The following DMRT1 variants were observed in gnomAD, a reference collection of about 807,000 sequenced individuals.
DMRT1 encodes the protein doublesex and mab-3 related transcription factor 1, also known as doublesex- and mab-3-related transcription factor 1.
DMRT1 carries 7 observed loss-of-function variants against 32.3 expected under a neutral mutation model. The ratio of observed to expected loss-of-function variants is 0.22; its 90% CI spans 0.12 to 0.41. DMRT1 has a LOEUF of 0.41. Ranked by LOEUF, DMRT1 falls within the 10% of genes least tolerant of loss-of-function variation. DMRT1 has a pLI of 1.00. For missense variants in DMRT1, 625 were observed against 500.5 expected (o/e 1.25, Z -2.37); for synonymous variants, 278 against 206.1 (o/e 1.35, Z -2.99).
At chr9:881,317 C>G (rs748852741) in intron 2 of DMRT1, among the ~76,000 whole-genome samples, 1 of 152,094 alleles carries the variant, frequency 6.6e-6, no homozygotes, top group African/African-American at 2.4e-5. Flanking sequence ...TTGAGTTGAA[C>G]GGAAGCTATG....
At chr9:865,183 G>A (rs538525758) in intron 2 of DMRT1, among the ~76,000 whole-genome samples, 7 of 152,228 alleles carry the variant, frequency 4.6e-5, no homozygotes, top group South Asian at 2.1e-4. Flanking sequence ...CAAAGTTCTC[G>A]AATATTGAAG....
intron 3 of DMRT1, among the ~76,000 whole-genome samples, chr9:912,922 G>A (rs1204367952): frequency 1.3e-5 from 2 of 152,180 alleles, no homozygotes; most frequent in Admixed American, 1.3e-4. Context: ...TGAGAGTGAA[G>A]TTTGAGAAGG....
In DMRT1 at chr9:968,161, G is replaced by T; in HGVS notation, c.*22G>T. The T allele has an allele frequency of 3.1e-6, 5 of 1,613,370 alleles. No individual in the cohort carries two copies. The highest frequency in any genetic ancestry group is 4.2e-6 in the Non-Finnish European group (5 of 1,179,910). ...GTGAGCAGTGCCTGCTGCCGATGGC[G>T]GTTCACTTGGAGTAACAGGCTTATT... On this transcript the variant is annotated 3_prime_UTR_variant, in exon 5 of 5. Transcript: ENST00000382276.
chr9:940,167 C>T (rs573668385), intron 4 of DMRT1, among the ~76,000 whole-genome samples: 24 of 152,118 alleles, frequency 1.6e-4, no homozygotes, highest in African/African-American at 5.6e-4. Flanking sequence ...TCTGCAAAAA[C>T]TTAACCATAA....
rs112577087 is a variant in DMRT1 at position 944,206 on chromosome 9, A to G, written c.968-23779A>G. Among the ~76,000 whole-genome samples the G allele has an allele frequency of 9.5e-3, 1,443 of 152,288 alleles. 26 individuals carry two copies. Among genetic ancestry groups the G allele is most frequent in the African/African-American group, 0.033 (1,355 of 41,540 alleles). ...ACCCGGCACATGAGTGGTGTTCACT[A>G]ATTTGTAGTTACTACCTTTATTGGT... On this transcript the variant is annotated intron_variant, in intron 4 of 4. Transcript: ENST00000382276.
At chr9:915,668 G>A (rs1360800246) in intron 3 of DMRT1, among the ~76,000 whole-genome samples, 1 of 152,042 alleles carries the variant, frequency 6.6e-6, no homozygotes, top group African/African-American at 2.4e-5. Context: ...TTGTGCTAAT[G>A]TCCACAGCTT....
intron 2 of DMRT1, among the ~76,000 whole-genome samples, chr9:885,299 G>T (rs117411520): frequency 0.013 from 2,008 of 152,302 alleles, 16 homozygotes; most frequent in Non-Finnish European, 0.022. Flanking sequence ...AGGATAGAGG[G>T]CTTTCTGTAT....
chr9:876,752 A>G (rs1031534603), intron 2 of DMRT1, among the ~76,000 whole-genome samples: 2 of 152,082 alleles, frequency 1.3e-5, no homozygotes, highest in African/African-American at 4.8e-5. Flanking sequence ...GTTGGTCTGG[A>G]ACTTCTGACC....
chr9:842,064 T>G lies in DMRT1; in HGVS notation c.226T>G (p.Cys76Gly). The change falls in exon 1 of 5, where the codon TGC (cysteine) becomes GGC (glycine). Residue 76 changes from cysteine to glycine, a missense_variant. By Grantham distance (159) the Cys-to-Gly change is radical. This residue lies in a region of DMRT1 where 201 missense variants were observed against 152.0 expected (regional missense o/e 1.32). Transcript: ENST00000382276. ...CAAGAAGTCCCCGCGGCTGCCCAAG[T>G]GCGCACGCTGCAGGAACCACGGCTA... ...GSKKSPRLPKCARCRNHGYAS... is the reference protein window; with the variant it reads ...GSKKSPRLPKGARCRNHGYAS... The G allele has an allele frequency of 6.5e-7, 1 of 1,545,084 alleles. No individual in the cohort carries two copies. Among genetic ancestry groups the G allele is most frequent in the Non-Finnish European group, 8.7e-7 (1 of 1,148,728 alleles).
At chr9:912,222 TG>T (rs1354896048) in intron 3 of DMRT1, among the ~76,000 whole-genome samples, 3 of 152,182 alleles carry the variant, frequency 2.0e-5, no homozygotes, top group African/African-American at 7.2e-5. Flanking sequence ...GAGAACAGAT[TG>T]GGGCAACCGC....
intron 4 of DMRT1, among the ~76,000 whole-genome samples, chr9:929,824 CA>C (rs2129849975): frequency 6.6e-6 from 1 of 152,210 alleles, no homozygotes; most frequent in Non-Finnish European, 1.5e-5. Context: ...AGTCAGTAAA[CA>C]AGTGAGAAAT....
At chr9:869,096 G>A (rs772138863) in intron 2 of DMRT1, among the ~76,000 whole-genome samples, 2 of 152,178 alleles carry the variant, frequency 1.3e-5, no homozygotes, top group East Asian at 1.9e-4. Context: ...GTAAAACTCT[G>A]ATATAGTTTA....
At chr9:856,746 A>G (rs1450523633) in intron 2 of DMRT1, among the ~76,000 whole-genome samples, 2 of 152,180 alleles carry the variant, frequency 1.3e-5, no homozygotes, top group South Asian at 4.1e-4. Context: ...TCTCTTGGGT[A>G]TATACCAAGT....
chr9:930,526 A>C (rs914630075), intron 4 of DMRT1, among the ~76,000 whole-genome samples: 4 of 151,750 alleles, frequency 2.6e-5, no homozygotes, highest in African/African-American at 7.3e-5. Flanking sequence ...ATTCTGCCTC[A>C]GCCTCCTGAG....
intron 2 of DMRT1, among the ~76,000 whole-genome samples, chr9:847,734 AG>A (rs781104139): frequency 2.0e-4 from 30 of 152,342 alleles, no homozygotes; most frequent in Admixed American, 5.2e-4. Context: ...CTGTCTCCAA[AG>A]CTCAATACTC....
intron 1 of DMRT1, among the ~76,000 whole-genome samples, chr9:845,015 C>G (rs1408169731): frequency 2.6e-5 from 4 of 152,094 alleles, no homozygotes; most frequent in African/African-American, 9.7e-5. Flanking sequence ...AGCCACTGCG[C>G]CCGGCCTGTA....
At chr9:918,226 C>T (rs935027477) in intron 4 of DMRT1, among the ~76,000 whole-genome samples, 1 of 152,308 alleles carries the variant, frequency 6.6e-6, no homozygotes, top group South Asian at 2.1e-4. Context: ...TCCTAACTGG[C>T]CTGTCTGCAC....
At chr9:886,494 G>T (rs1405269234) in intron 2 of DMRT1, among the ~76,000 whole-genome samples, 2 of 151,952 alleles carry the variant, frequency 1.3e-5, no homozygotes, top group Non-Finnish European at 2.9e-5. Flanking sequence ...GACCTCAAGT[G>T]ATCCACCCGC....
At position 862,026 on chromosome 9, in the gene DMRT1, C is replaced by T. The variant is rs1232843174; in HGVS notation, c.538+14883C>T. Among the ~76,000 whole-genome samples the T allele has an allele frequency of 1.5e-4, 22 of 151,508 alleles. No homozygotes were observed. The South Asian group carries it at 4.8e-3, about 33-fold the overall frequency. On this transcript the variant is annotated intron_variant, in intron 2 of 4. Transcript: ENST00000382276. ...GCTCCTCACTTCCCAGACTGGGCGG[C>T]CGGGCGGAGGGGCTCCTCACATCCC...
Sources: allele counts gnomAD v4.1 joint callset (sites outside exome capture counted in the v4.1 genomes callset), GRCh38; gene constraint gnomAD v4.1.1; regional missense constraint gnomAD v4.1.1; transcripts MANE v1.5; gene names NCBI Gene and HGNC (gene_info 2026-07-23, HGNC 2026-07-21).